NIBAN2: variants seen among roughly 807,000 people sequenced by gnomAD.
The protein encoded by NIBAN2 is protein Niban 2.
A neutral mutation model predicts 81.8 loss-of-function variants in NIBAN2; 36 were observed. The ratio of observed to expected loss-of-function variants is 0.44; its 90% CI spans 0.34 to 0.58. The LOEUF (loss-of-function observed/expected upper bound fraction) is 0.58, where lower values mean the gene tolerates loss of function less well. Ranked by LOEUF, NIBAN2 falls within the 20% of genes least tolerant of loss-of-function variation. The probability of loss-of-function intolerance (pLI) is 0.02; values close to 1 mark genes in which losing one functional copy is unlikely to be tolerated. For missense variants in NIBAN2, 897 were observed against 1,014.1 expected (o/e 0.88, Z 1.57); for synonymous variants, 445 against 441.6 (o/e 1.01, Z -0.10).
At chr9:127,547,529 A>C (rs767593669) in intron 1 of NIBAN2, among the ~76,000 whole-genome samples, 8 of 147,790 alleles carry the variant, frequency 5.4e-5, no homozygotes, top group Non-Finnish European at 1.2e-4. Flanking sequence ...AAAACACAAC[A>C]ACAACAACAA....
Position 127,568,907 on chromosome 9 carries a change from C to G in NIBAN2, c.-33G>C. On this transcript the variant is annotated 5_prime_UTR_variant, in exon 1 of 14. Coordinates refer to ENST00000373312, the MANE Select transcript of NIBAN2 (RefSeq NM_022833.4). The stretch of plus-strand genomic sequence containing the variant: ...AGGTGTCGCGGCCCGATCCGGCCGA[C>G]GCCGCCGCTGTTGCCCGCGCTGCTC... The G allele has an allele frequency of 7.9e-7, 1 of 1,258,388 alleles. No individual in the cohort carries two copies. The highest frequency in any genetic ancestry group is 1.0e-6 in the Non-Finnish European group (1 of 1,001,882). The allele number at this position is 1,258,388 out of a possible 1,614,324, so 78.0% of individuals were successfully genotyped here.
intron 8 of NIBAN2, among the ~76,000 whole-genome samples, chr9:127,513,875 C>T (rs111708405): frequency 2.0e-5 from 3 of 152,316 alleles, no homozygotes; most frequent in Non-Finnish European, 2.9e-5. Context: ...GGGTCTGGAT[C>T]GGGACCCCTT....
At position 127,507,421 on chromosome 9, in the gene NIBAN2, C is replaced by A. The variant is rs1476721745; in HGVS notation, c.1665G>T (p.Glu555Asp). 1 of 1,510,290 alleles carries A rather than the reference C, an allele frequency of 6.6e-7. No homozygotes were observed. The highest frequency in any genetic ancestry group is 8.8e-7 in the Non-Finnish European group (1 of 1,130,104). The allele number at this position is 1,510,290 out of a possible 1,614,324, so 93.6% of individuals were successfully genotyped here. ...GGTTGTGCTTCCTCTGCACCGCGGCCTCCTTCACAGCTACAGGGCCACAGG... is the reference window on the plus strand; with the variant it reads ...GGTTGTGCTTCCTCTGCACCGCGGCATCCTTCACAGCTACAGGGCCACAGG... ...VMKDILQAVK[E>D]AAVQRKHNLY... Residue 555 changes from glutamate (E) to aspartate (D), a missense_variant, in exon 14 of 14, where the codon GAG (glutamate) becomes GAT (aspartate). Around this residue, in one of 3 missense-constraint regions of NIBAN2, gnomAD observed 619 missense variants for 691.0 expected, o/e 0.90. Transcript: ENST00000373312. The surrounding 1 kb of genome is among the most constrained non-coding windows in gnomAD (Gnocchi z 6.8).
chr9:127,509,150 CG>C lies in NIBAN2; in HGVS notation c.1162-20del. ...CCATGTACTGCAGGGGCCGGGGCCG[CG>C]GGGGCTGAGCAGGGCCGCCCTGTGG... On this transcript the variant is annotated intron_variant, in intron 9 of 13. Coordinates refer to ENST00000373312, the MANE Select transcript of NIBAN2 (RefSeq NM_022833.4). 1.9e-6 allele frequency: 3 copies of C among 1,600,404 alleles called. No individual in the cohort carries two copies. Among genetic ancestry groups the C allele is most frequent in the Non-Finnish European group, 8.5e-7 (1 of 1,176,090 alleles).
chr9:127,523,168 TTAAAAAAAA>T (rs1272084021), intron 5 of NIBAN2, among the ~76,000 whole-genome samples: 12 of 19,026 alleles, frequency 6.3e-4, no homozygotes, highest in Admixed American at 7.0e-4. Context: ...GTTGGTGGTT[TTAAAAAAAA>T]AAAAAAAAAA....
rs752246319 is a variant in NIBAN2 at position 127,508,464 on chromosome 9, C to A, written c.1392G>T (p.Glu464Asp). The change falls in exon 11 of 14, where the codon GAG becomes GAT. Residue 464 changes from glutamate (E) to aspartate (D), a missense_variant. Physicochemically the swap from Glu to Asp is conservative, Grantham distance 45. This residue lies in a region of NIBAN2 where 619 missense variants were observed against 691.0 expected (regional missense o/e 0.90). Coordinates refer to ENST00000373312, the MANE Select transcript of NIBAN2 (RefSeq NM_022833.4). This position sits in a 1 kb window ranked among gnomAD's most constrained non-coding sequence, Gnocchi z 6.4. ...QELGKGPTKEELCKSIQRVLE... is the reference protein window; with the variant it reads ...QELGKGPTKEDLCKSIQRVLE... ...GGACCCGCTGGATGGACTTGCACAG[C>A]TCCTCCTTGGTGGGCCCCTTCCCCA... 5 of 1,613,720 alleles carry A rather than the reference C, an allele frequency of 3.1e-6. No individual in the cohort carries two copies. The South Asian group carries it at 5.5e-5, about 18-fold the overall frequency.
intron 8 of NIBAN2, among the ~76,000 whole-genome samples, chr9:127,511,498 A>G (rs2132156321): frequency 6.7e-6 from 1 of 148,672 alleles, no homozygotes; most frequent in East Asian, 2.0e-4. Flanking sequence ...GTACCTGGCC[A>G]ATATTATTTA....
At chr9:127,561,474 C>T (rs1024058423) in intron 1 of NIBAN2, among the ~76,000 whole-genome samples, 2 of 152,204 alleles carry the variant, frequency 1.3e-5, no homozygotes, top group Non-Finnish European at 2.9e-5. Flanking sequence ...ACCTTCATAC[C>T]TTGAGATGCC....
intron 1 of NIBAN2, among the ~76,000 whole-genome samples, chr9:127,557,935 C>T (rs923900975): frequency 2.0e-5 from 3 of 152,130 alleles, no homozygotes; most frequent in Non-Finnish European, 2.9e-5. Flanking sequence ...GAGAGACGCC[C>T]CTTGACCAAG....
Position 127,514,342 on chromosome 9 carries a change from T to C in NIBAN2, c.973+2515A>G, listed in dbSNP as rs1836787146. Reference sequence around the variant, plus strand: ...CACAAAGGATAAATGCTTGAGGGGATAGATACCCCATTTCCCATGATGTGA... The same window carrying C: ...CACAAAGGATAAATGCTTGAGGGGACAGATACCCCATTTCCCATGATGTGA... On this transcript the variant is annotated intron_variant, in intron 8 of 13. Transcript: ENST00000373312. 2.6e-5 allele frequency among the ~76,000 whole-genome samples: 4 copies of C among 151,492 alleles called. No homozygotes were observed. In the South Asian group the frequency reaches 6.2e-4, roughly 24 times the overall value.
At position 127,506,292 on chromosome 9, in the gene NIBAN2, G is replaced by C. The variant is rs1836593420; in HGVS notation, c.*553C>G. The C allele has an allele frequency of 6.6e-6, 1 of 152,542 alleles. No individual in the cohort carries two copies. Among genetic ancestry groups the C allele is most frequent in the South Asian group, 2.1e-4 (1 of 4,848 alleles). The allele number at this position is 152,542 out of a possible 1,614,324, so 9.4% of individuals were successfully genotyped here. On this transcript the variant is annotated 3_prime_UTR_variant, in exon 14 of 14. Transcript: ENST00000373312. ...CCCCTAAATCTCATCTCTCCACCCA[G>C]CACCCCCAGCCTGGCTCCAGCCTGA...
At chr9:127,555,583 A>G (rs1837652758) in intron 1 of NIBAN2, among the ~76,000 whole-genome samples, 1 of 152,180 alleles carries the variant, frequency 6.6e-6, no homozygotes, top group African/African-American at 2.4e-5. Context: ...AGGCCAAGGC[A>G]GGAGGGTCAC....
intron 1 of NIBAN2, among the ~76,000 whole-genome samples, chr9:127,543,519 C>G (rs1423650947): frequency 1.3e-5 from 2 of 152,186 alleles, no homozygotes; most frequent in East Asian, 3.8e-4. Flanking sequence ...TCTCTCTGGG[C>G]TCTGATGGCC....
chr9:127,554,411 G>T (rs948825741), intron 1 of NIBAN2, among the ~76,000 whole-genome samples: 1 of 151,988 alleles, frequency 6.6e-6, no homozygotes, highest in Admixed American at 6.6e-5. Flanking sequence ...CCTCTTCCCC[G>T]CTCCGGAGCC....
intron 1 of NIBAN2, among the ~76,000 whole-genome samples, chr9:127,551,340 C>T (rs985244943): frequency 1.3e-5 from 2 of 151,446 alleles, no homozygotes; most frequent in African/African-American, 2.4e-5. Flanking sequence ...CTGGGCAACA[C>T]GGTGAAACCC....
Position 127,569,031 on chromosome 9 carries a change from G to T in NIBAN2, c.-157C>A. ...CCGCCCGGCTGCGGCTTCCGCTCCG[G>T]CTCCGCTCCCGGTCGGGCCCCGTCC... On this transcript the variant is annotated 5_prime_UTR_variant, in exon 1 of 14. Coordinates refer to ENST00000373312, the MANE Select transcript of NIBAN2 (RefSeq NM_022833.4). 1.8e-6 allele frequency: 2 copies of T among 1,085,234 alleles called. No individual in the cohort carries two copies. The highest frequency in any genetic ancestry group is 4.5e-5 in the South Asian group (1 of 22,346). 67.2% of individuals were successfully genotyped at this position (1,085,234 alleles called of 1,614,324 possible). A position where few individuals can be genotyped will look rare whatever the true frequency, so the allele number is the denominator to read the frequency against.
intron 1 of NIBAN2, among the ~76,000 whole-genome samples, chr9:127,543,823 C>T (rs1175819834): frequency 1.3e-5 from 2 of 152,238 alleles, no homozygotes; most frequent in Admixed American, 1.3e-4. Flanking sequence ...CAGTTCCCCA[C>T]TTGCAGAAAA....
chr9:127,517,684 G>C lies in NIBAN2; in HGVS notation c.705+142C>G, dbSNP rs2255000. ...GAGTATCTCCACGTGCACTGGCCCT[G>C]CACTTGTCCAAATCTAAGCATGTCA... On this transcript the variant is annotated intron_variant, in intron 6 of 13. Transcript: ENST00000373312. This position sits in a 1 kb window ranked among gnomAD's most constrained non-coding sequence, Gnocchi z 4.0. 333,572 of 660,546 alleles carry C rather than the reference G, an allele frequency of 0.5. 91,836 individuals carry two copies. Among genetic ancestry groups the C allele is most frequent in the Non-Finnish European group, 0.59 (219,476 of 371,476 alleles). 40.9% of individuals were successfully genotyped at this position (660,546 alleles called of 1,614,324 possible). A position where few individuals can be genotyped will look rare whatever the true frequency, so the allele number is the denominator to read the frequency against.
chr9:127,534,463 G>C (rs979868737), intron 1 of NIBAN2, among the ~76,000 whole-genome samples: 1 of 152,226 alleles, frequency 6.6e-6, no homozygotes, highest in Non-Finnish European at 1.5e-5. Flanking sequence ...CTGGGATGCA[G>C]TCCTGGGTCC....
Sources: gnomAD v4.1 joint callset for allele counts (sites outside exome capture counted in the v4.1 genomes callset) on GRCh38, gnomAD v4.1.1 for gene constraint, gnomAD v4.1.1 regional missense constraint, Gnocchi (gnomAD v3.1) non-coding constraint, MANE v1.5 for transcripts, NCBI Gene and HGNC (gene_info 2026-07-23, HGNC 2026-07-21) for gene names.